The following RERE variants were observed in gnomAD, a reference collection of about 807,000 sequenced individuals.
RERE encodes the protein arginine-glutamic acid dipeptide repeats, also known as arginine-glutamic acid dipeptide repeats protein.
In RERE, 40 loss-of-function variants were observed where a neutral mutation model predicts 146.1. The observed-to-expected ratio is 0.27, with a 90% CI of 0.21 to 0.36. The LOEUF is 0.36. RERE is among the 10% of genes least tolerant of loss of function. The pLI is 1.00. For missense variants in RERE, 1,933 were observed against 2,138.7 expected (o/e 0.90, Z 1.90); for synonymous variants, 1,003 against 866.0 (o/e 1.16, Z -2.78).
intron 11 of RERE, among the ~76,000 whole-genome samples, chr1:8,441,798 A>C (rs1644252434): frequency 1.3e-5 from 2 of 152,114 alleles, no homozygotes; most frequent in South Asian, 4.1e-4. Context: ...GTTAAGCAAA[A>C]ATGAAAATTA....
chr1:8,404,168 G>A (rs1175447837), intron 12 of RERE, among the ~76,000 whole-genome samples: 3 of 152,044 alleles, frequency 2.0e-5, no homozygotes, highest in Non-Finnish European at 4.4e-5. Flanking sequence ...GGTGGCTCAC[G>A]CTTGTAATCC....
At chr1:8,415,060 T>G (rs1324932127) in intron 12 of RERE, among the ~76,000 whole-genome samples, 1 of 152,238 alleles carries the variant, frequency 6.6e-6, no homozygotes, top group African/African-American at 2.4e-5. Flanking sequence ...ATTTTGAAAC[T>G]TAGTTTTAAT....
chr1:8,378,338 T>TA (rs1292416729), intron 12 of RERE, among the ~76,000 whole-genome samples: 5 of 152,202 alleles, frequency 3.3e-5, no homozygotes, highest in Non-Finnish European at 7.3e-5. Context: ...CAGAGCCCTC[T>TA]AGCAAAGAAG....
chr1:8,647,643 G>GTGTA (rs1467654852), intron 2 of RERE, among the ~76,000 whole-genome samples: 1 of 12,236 alleles, frequency 8.2e-5, no homozygotes, highest in Non-Finnish European at 2.5e-4. Flanking sequence ...AAATATGTAT[G>GTGTA]TGTGTGTGTG....
chr1:8,576,134 T>C (rs1216583330), intron 4 of RERE, among the ~76,000 whole-genome samples: 1 of 152,096 alleles, frequency 6.6e-6, no homozygotes, highest in Non-Finnish European at 1.5e-5. Flanking sequence ...TCAGAAAATG[T>C]CCTTGTAAGA....
chr1:8,505,539 G>T (rs1287928190), intron 8 of RERE, among the ~76,000 whole-genome samples: 1 of 151,988 alleles, frequency 6.6e-6, no homozygotes, highest in Non-Finnish European at 1.5e-5. Flanking sequence ...TAATAAAAAG[G>T]TTAATTTTTT....
At chr1:8,395,971 C>T (rs1323223304) in intron 12 of RERE, among the ~76,000 whole-genome samples, 1 of 152,132 alleles carries the variant, frequency 6.6e-6, no homozygotes, top group Non-Finnish European at 1.5e-5. Flanking sequence ...TAGGTGACAC[C>T]ACCCCTCTCT....
chr1:8,658,320 C>T (rs1638370506), intron 1 of RERE, among the ~76,000 whole-genome samples: 2 of 152,070 alleles, frequency 1.3e-5, no homozygotes, highest in South Asian at 2.1e-4. Flanking sequence ...AGGAGGCAAC[C>T]GATCAATCTA....
rs191591554 is a variant in RERE at position 8,370,314 on chromosome 1, G to A, written c.1285-4340C>T. ...CAGAGATCACAAAAACCAAACTAGC[G>A]GTTGCCGAGAGCCTGGAGGGTGGGG... On this transcript the variant is annotated intron_variant, in intron 12 of 22. Transcript: ENST00000400908. Among the ~76,000 whole-genome samples the A allele has an allele frequency of 3.6e-3, 545 of 152,108 alleles. 3 individuals carry two copies. Among genetic ancestry groups the A allele is most frequent in the Middle Eastern group, 0.017 (5 of 294 alleles).
intron 1 of RERE, among the ~76,000 whole-genome samples, chr1:8,785,917 C>T (rs570610560): frequency 1.2e-4 from 18 of 152,144 alleles, no homozygotes; most frequent in Admixed American, 5.9e-4. Context: ...CCATCGCGCT[C>T]GGCCTGCCTT....
At chr1:8,760,374 A>G (rs1640731371) in intron 1 of RERE, among the ~76,000 whole-genome samples, 1 of 152,218 alleles carries the variant, frequency 6.6e-6, no homozygotes, top group African/African-American at 2.4e-5. Flanking sequence ...CATTTATATC[A>G]ATCACCACAG....
At chr1:8,791,813 C>CTTA (rs1641368594) in intron 1 of RERE, among the ~76,000 whole-genome samples, 1 of 151,630 alleles carries the variant, frequency 6.6e-6, no homozygotes, top group Non-Finnish European at 1.5e-5. Flanking sequence ...ACCTATAACT[C>CTTA]TTTAAGAGTC....
At chr1:8,603,126 T>C (rs780324415) in intron 4 of RERE, among the ~76,000 whole-genome samples, 1 of 152,274 alleles carries the variant, frequency 6.6e-6, no homozygotes, top group Non-Finnish European at 1.5e-5. Context: ...TATACCTTAA[T>C]ATTTTTAACA....
chr1:8,735,507 G>C (rs1640177355), intron 1 of RERE, among the ~76,000 whole-genome samples: 1 of 152,104 alleles, frequency 6.6e-6, no homozygotes, highest in African/African-American at 2.4e-5. Flanking sequence ...CTTTGAGATT[G>C]TTCCGTGTCA....
At chr1:8,671,710 AC>A (rs1421289073) in intron 1 of RERE, among the ~76,000 whole-genome samples, 2 of 152,240 alleles carry the variant, frequency 1.3e-5, no homozygotes, top group Non-Finnish European at 2.9e-5. Flanking sequence ...GAAAAAGAAA[AC>A]ATGTAGTGAC....
At chr1:8,778,611 A>G (rs1180262570) in intron 1 of RERE, among the ~76,000 whole-genome samples, 1 of 152,182 alleles carries the variant, frequency 6.6e-6, no homozygotes, top group Non-Finnish European at 1.5e-5. Flanking sequence ...CCGAGGCAGA[A>G]GGATCACTTG....
chr1:8,551,411 C>A (rs1247759688), intron 6 of RERE, among the ~76,000 whole-genome samples: 19 of 152,122 alleles, frequency 1.2e-4, no homozygotes, highest in Non-Finnish European at 2.8e-4. Flanking sequence ...AGTTTATCTG[C>A]TCGTTCTTGG....
chr1:8,696,005 G>C (rs563583640), intron 1 of RERE, among the ~76,000 whole-genome samples: 55 of 152,164 alleles, frequency 3.6e-4, no homozygotes, highest in Non-Finnish European at 5.0e-4. Flanking sequence ...TCATCAGAGA[G>C]ATGCAAATCA....
At chr1:8,500,521 G>A (rs1334596550) in intron 8 of RERE, among the ~76,000 whole-genome samples, 1 of 152,234 alleles carries the variant, frequency 6.6e-6, no homozygotes, top group Non-Finnish European at 1.5e-5. Context: ...GCTCAATGGT[G>A]CCCAGGCTGG....
Sources: gnomAD v4.1 joint callset for allele counts (sites outside exome capture counted in the v4.1 genomes callset) on GRCh38, gnomAD v4.1.1 for gene constraint, MANE v1.5 for transcripts, NCBI Gene and HGNC (gene_info 2026-07-23, HGNC 2026-07-21) for gene names.